Variants in GNE observed in about 807,000 individuals in gnomAD.
GNE encodes the protein bifunctional UDP-N-acetylglucosamine 2-epimerase/N-acetylmannosamine kinase.
A neutral mutation model predicts 61.8 loss-of-function variants in GNE; 41 were observed. That is an observed-to-expected ratio of 0.66 (90% CI 0.52 to 0.86). The LOEUF is 0.86. GNE is among the 40% of genes least tolerant of loss of function. GNE has a pLI of 0.00. For synonymous variants in GNE, 264 were observed against 326.4 expected (o/e 0.81, Z 2.06); for missense variants, 608 against 909.1 (o/e 0.67, Z 4.26).
At chr9:36,265,991 G>A (rs1014956221) in intron 1 of GNE, among the ~76,000 whole-genome samples, 8 of 152,004 alleles carry the variant, frequency 5.3e-5, no homozygotes, top group Admixed American at 1.3e-4. Flanking sequence ...GTGCAGTGGC[G>A]CAATCTTGGC....
upstream of GNE, among the ~76,000 whole-genome samples, chr9:36,259,490 A>G (rs929982344): frequency 3.3e-5 from 5 of 152,236 alleles, no homozygotes; most frequent in African/African-American, 1.2e-4. Context: ...AAATCTCATC[A>G]AACTGCAGTT....
chr9:36,276,893 C>G lies in GNE; in HGVS notation c.51+1G>C. 6.2e-7 allele frequency: 1 copy of G among 1,609,208 alleles called. No homozygotes were observed. The highest frequency in any genetic ancestry group is 8.5e-7 in the Non-Finnish European group (1 of 1,176,606). ...GCTCTATTGAATTCCGAATTACTTACATGAGGTCCTTGAAAGCATGACTCC... is the reference window on the plus strand; with the variant it reads ...GCTCTATTGAATTCCGAATTACTTAGATGAGGTCCTTGAAAGCATGACTCC... On this transcript the variant is annotated splice_donor_variant, in intron 1 of 11. Transcript: ENST00000396594. LOFTEE classifies it high-confidence loss of function.
chr9:36,236,977 A>G lies in GNE; in HGVS notation c.624T>C (p.Asp208=). The change falls in exon 4 of 12, where the codon GAT becomes GAC. Residue 208 remains aspartate (D), a synonymous_variant. Coordinates refer to ENST00000642385, the MANE Select transcript of GNE (RefSeq NM_005476.7). ...CAACAATGTAATCTTTAGATTTTACATCATCACCTGTTTAAAGAAAATCAA... is the reference window on the plus strand; with the variant it reads ...CAACAATGTAATCTTTAGATTTTACGTCATCACCTGTTTAAAGAAAATCAA... ...MSIIRMWLGD[D]VKSKDYIVAL... 1 of 1,609,884 alleles carries G rather than the reference A, an allele frequency of 6.2e-7. No homozygotes were observed. The highest frequency in any genetic ancestry group is 8.5e-7 in the Non-Finnish European group (1 of 1,176,288).
Position 36,246,038 on chromosome 9 carries a change from C to T in GNE, c.609G>A (p.Met203Ile). ...AAAGTCTGAGATACGTACCTAGCCA[C>T]ATGCGAATGATGCTCATGTAGTCTT... ...KNKDYMSIIR[M>I]WLGDDVKSKD... Residue 203 changes from methionine (M) to isoleucine (I), a missense_variant, in exon 3 of 12, where the codon ATG (methionine) becomes ATA (isoleucine). Transcript: ENST00000642385. 6.2e-7 allele frequency: 1 copy of T among 1,613,382 alleles called. No homozygotes were observed. Among genetic ancestry groups the T allele is most frequent in the Non-Finnish European group, 8.5e-7 (1 of 1,179,426 alleles).
rs533642323 is a variant in GNE at position 36,247,750 on chromosome 9, G to A, written c.165-1268C>T. ...TTTATATTAAAAAAAAATCTGGACG[G>A]ACGCAGTGGCTCACACCTGTAATCC... is the stretch of plus-strand genomic sequence containing the variant. On this transcript the variant is annotated intron_variant, in intron 2 of 11. Transcript: ENST00000642385. Among the ~76,000 whole-genome samples, 232 of 152,170 alleles carry A rather than the reference G, an allele frequency of 1.5e-3. 1 individual carries two copies. The highest frequency in any genetic ancestry group is 5.2e-3 in the African/African-American group (217 of 41,526).
chr9:36,241,106 T>A (rs572285183), intron 3 of GNE, among the ~76,000 whole-genome samples: 1 of 151,400 alleles, frequency 6.6e-6, no homozygotes, highest in African/African-American at 2.4e-5. Context: ...GAACCAGCTT[T>A]TTGTTTCATT....
intron 3 of GNE, among the ~76,000 whole-genome samples, chr9:36,244,485 G>C (rs1829778934): frequency 6.6e-6 from 1 of 151,976 alleles, no homozygotes; most frequent in South Asian, 2.1e-4. Context: ...AAAAATTTTG[G>C]AACATAGGGC....
chr9:36,257,967 A>T (rs1403643466), intron 1 of GNE, among the ~76,000 whole-genome samples: 1 of 152,086 alleles, frequency 6.6e-6, no homozygotes, highest in Non-Finnish European at 1.5e-5. Flanking sequence ...CCTGCCAGGC[A>T]GTTCTCCACC....
At position 36,232,727 on chromosome 9, in the gene GNE, G is replaced by A. The variant is rs142100947; in HGVS notation, c.982+1193C>T. ...TATACCTTGTGTTACAGCAGGCACAGCATATAGAATTCCTGATATTTTTCT... is the reference window on the plus strand; with the variant it reads ...TATACCTTGTGTTACAGCAGGCACAACATATAGAATTCCTGATATTTTTCT... On this transcript the variant is annotated intron_variant, in intron 5 of 11. Coordinates refer to ENST00000642385, the MANE Select transcript of GNE (RefSeq NM_005476.7). Among the ~76,000 whole-genome samples the A allele has an allele frequency of 1.2e-4, 19 of 152,276 alleles. 1 individual carries two copies. Among genetic ancestry groups the A allele is most frequent in the Middle Eastern group, 3.4e-3 (1 of 294 alleles).
chr9:36,225,740 G>C (rs1587291250), intron 7 of GNE, among the ~76,000 whole-genome samples: 1 of 152,266 alleles, frequency 6.6e-6, no homozygotes, highest in East Asian at 1.9e-4. Context: ...CCAGGACCTT[G>C]AGTCCAGTCT....
At chr9:36,231,839 T>A (rs1349275552) in intron 5 of GNE, among the ~76,000 whole-genome samples, 2 of 152,228 alleles carry the variant, frequency 1.3e-5, no homozygotes, top group Non-Finnish European at 1.5e-5. Context: ...TAACTCTTCC[T>A]GGAACTATCT....
chr9:36,247,152 G>A (rs938577489), intron 2 of GNE, among the ~76,000 whole-genome samples: 1 of 151,874 alleles, frequency 6.6e-6, no homozygotes, highest in Non-Finnish European at 1.5e-5. Flanking sequence ...CACCTCCCAG[G>A]TTCAAGCGAT....
At chr9:36,245,210 G>A (rs1829819080) in intron 3 of GNE, among the ~76,000 whole-genome samples, 1 of 152,050 alleles carries the variant, frequency 6.6e-6, no homozygotes, top group Non-Finnish European at 1.5e-5. Flanking sequence ...GTTGCAGTGA[G>A]CCGAGATTGT....
intron 2 of GNE, among the ~76,000 whole-genome samples, 178 bp from the exon 3 acceptor site, chr9:36,246,660 CTTTTTTTTT>C: frequency 8.4e-6 from 1 of 119,062 alleles, no homozygotes; most frequent in South Asian, 2.8e-4. Context: ...GATTAAGATT[CTTTTTTTTT>C]TTTTTTTTTT....
intron 1 of GNE, among the ~76,000 whole-genome samples, chr9:36,268,680 A>T (rs1830900187): frequency 6.6e-6 from 1 of 152,020 alleles, no homozygotes; most frequent in Non-Finnish European, 1.5e-5. Context: ...AAAACAAACA[A>T]AGGTATGTGG....
chr9:36,217,718 G>A (rs1348177566), intron 11 of GNE, 118 bp from the exon 12 acceptor site: 11 of 720,408 alleles, frequency 1.5e-5, no homozygotes, highest in Admixed American at 2.0e-5. Context: ...GGCATGCAGT[G>A]GGAGGCAGTG....
chr9:36,264,908 T>C (rs1219375851), intron 1 of GNE: 1 of 157,368 alleles, frequency 6.4e-6, no homozygotes, highest in Non-Finnish European at 1.4e-5. Flanking sequence ...CCTCCCTTTG[T>C]ATGGGAGCTG....
Position 36,218,105 on chromosome 9 carries a change from C to T in GNE, c.1933+78G>A, listed in dbSNP as rs1828412466. 1.1e-6 allele frequency: 1 copy of T among 939,396 alleles called. No homozygotes were observed. The highest frequency in any genetic ancestry group is 1.6e-5 in the African/African-American group (1 of 62,282). 58.2% of individuals were successfully genotyped at this position (939,396 alleles called of 1,614,324 possible). On this transcript the variant is annotated intron_variant, in intron 11 of 11. Transcript: ENST00000642385. The surrounding 1 kb of genome is among the most constrained non-coding windows in gnomAD (Gnocchi z 4.1). The stretch of plus-strand genomic sequence containing the variant: ...GCACCTGTCCCTAGGGAAGCAGGGT[C>T]TCTTCTGGGGCCGGGCTGGGCCATA...
chr9:36,260,246 C>T (rs1408234401), upstream of GNE, among the ~76,000 whole-genome samples: 1 of 148,230 alleles, frequency 6.7e-6, no homozygotes, highest in East Asian at 2.0e-4. Context: ...AACCACTGCA[C>T]TCCAGCCTGG....
Sources: gnomAD v4.1 joint callset for allele counts (sites outside exome capture counted in the v4.1 genomes callset) on GRCh38, gnomAD v4.1.1 for gene constraint, Gnocchi (gnomAD v3.1) non-coding constraint, MANE v1.5 for transcripts, NCBI Gene and HGNC (gene_info 2026-07-23, HGNC 2026-07-21) for gene names.